Variants in SYN3 observed in about 807,000 individuals in gnomAD.
SYN3 encodes synapsin III.
SYN3 carries 35 observed loss-of-function variants against 65.8 expected under a neutral mutation model. The ratio of observed to expected loss-of-function variants is 0.53; its 90% CI spans 0.41 to 0.70. The LOEUF (loss-of-function observed/expected upper bound fraction) is 0.70, where lower values mean the gene tolerates loss of function less well. SYN3 is among the 30% of genes least tolerant of loss of function. The probability of loss-of-function intolerance (pLI) is 0.00; values close to 1 mark genes in which losing one functional copy is unlikely to be tolerated. For synonymous variants in SYN3, 270 were observed against 292.9 expected, an observed-to-expected ratio of 0.92 and a Z score of 0.80; for missense variants, 680 against 749.0, an observed-to-expected ratio of 0.91 and a Z score of 1.08.
chr22:32,584,856 G>A (rs1205088024), intron 7 of SYN3, among the ~76,000 whole-genome samples: 1 of 152,216 alleles, frequency 6.6e-6, no homozygotes, highest in African/African-American at 2.4e-5. Context: ...ATATGCAAAA[G>A]GTCAGTGCTG....
At position 32,511,332 on chromosome 22, in the gene SYN3, C is replaced by A. The variant is rs906360643; in HGVS notation, c.*2360G>T. Among the ~76,000 whole-genome samples the A allele has an allele frequency of 3.3e-5, 5 of 152,198 alleles. No homozygotes were observed. Among genetic ancestry groups the A allele is most frequent in the Non-Finnish European group, 5.9e-5 (4 of 68,044 alleles). ...ACTGTGGGATATTGACCCCAGGACC[C>A]CCACCTCCACCCACCTTGGGGGTCT... On this transcript the variant is annotated 3_prime_UTR_variant, in exon 14 of 14. Coordinates refer to ENST00000358763, the MANE Select transcript of SYN3 (RefSeq NM_003490.4).
chr22:32,641,523 T>C (rs1001449424), intron 6 of SYN3, among the ~76,000 whole-genome samples: 24 of 149,392 alleles, frequency 1.6e-4, no homozygotes, highest in African/African-American at 5.9e-4. Context: ...CAGGAGAATG[T>C]TGTGAACCCG....
At chr22:32,628,687 G>A (rs2059704293) in intron 6 of SYN3, among the ~76,000 whole-genome samples, 1 of 152,080 alleles carries the variant, frequency 6.6e-6, no homozygotes, top group Non-Finnish European at 1.5e-5. Context: ...GGCAGAGGTT[G>A]CAGTGAGCTG....
At chr22:32,667,766 T>A (rs1218262616) in intron 6 of SYN3, among the ~76,000 whole-genome samples, 5 of 151,776 alleles carry the variant, frequency 3.3e-5, no homozygotes, top group African/African-American at 1.2e-4. Flanking sequence ...GGGGAAGGCT[T>A]CCAAGAGGAG....
intron 3 of SYN3, among the ~76,000 whole-genome samples, chr22:32,961,414 C>T (rs188909182): frequency 1.3e-3 from 201 of 152,268 alleles, no homozygotes; most frequent in African/African-American, 4.6e-3. Flanking sequence ...AAGTAGGGCT[C>T]TAAGGAGCAT....
At chr22:32,934,731 G>A (rs1165451846) in intron 3 of SYN3, among the ~76,000 whole-genome samples, 1 of 152,220 alleles carries the variant, frequency 6.6e-6, no homozygotes, top group Non-Finnish European at 1.5e-5. Context: ...TCTGATACCT[G>A]TGAATGTGAC....
chr22:32,834,309 C>A (rs1183316329), intron 6 of SYN3, among the ~76,000 whole-genome samples: 1 of 140,458 alleles, frequency 7.1e-6, no homozygotes, highest in Non-Finnish European at 1.5e-5. Context: ...CCCTCCACCA[C>A]ATCTGGCTAA....
At chr22:32,535,292 A>G (rs1353854812) in intron 9 of SYN3, among the ~76,000 whole-genome samples, 1 of 152,182 alleles carries the variant, frequency 6.6e-6, no homozygotes, top group African/African-American at 2.4e-5. Context: ...ATTTTGGAAA[A>G]GCCTCTCCCT....
rs534013786 is a variant in SYN3, at chr22:32,516,323, G to A, written c.1610+1720C>T. Among the ~76,000 whole-genome samples the A allele has an allele frequency of 1.1e-4, 16 of 151,182 alleles. 1 individual carries two copies. The highest frequency in any genetic ancestry group is 2.1e-4 in the Non-Finnish European group (14 of 68,028). ...CGTTGGATGAGAATGGGGCGGGAAC[G>A]AGGCTTTTCAACATACATCTTTGAT... On this transcript the variant is annotated intron_variant, in intron 13 of 13. Transcript: ENST00000358763.
At chr22:32,656,382 T>C (rs1324892276) in intron 6 of SYN3, among the ~76,000 whole-genome samples, 2 of 152,162 alleles carry the variant, frequency 1.3e-5, no homozygotes, top group Non-Finnish European at 2.9e-5. Flanking sequence ...AGCGACATGA[T>C]GTATATCAAG....
At chr22:32,825,657 C>CAAAAAAAAAAA (rs130292) in intron 6 of SYN3, among the ~76,000 whole-genome samples, 1 of 28,594 alleles carries the variant, frequency 3.5e-5, no homozygotes, top group African/African-American at 1.3e-4. Flanking sequence ...GTTTCCATCT[C>CAAAAAAAAAAA]AAAAAAAAAA....
At chr22:32,751,522 T>C (rs546500874) in intron 6 of SYN3, among the ~76,000 whole-genome samples, 1 of 152,300 alleles carries the variant, frequency 6.6e-6, no homozygotes, top group African/African-American at 2.4e-5. Context: ...TGTCTCTGAC[T>C]CAGCCATTGT....
In SYN3 at chr22:32,943,109, C is replaced by T. The variant is rs374272969; in HGVS notation, c.370-11628G>A. Among the ~76,000 whole-genome samples the T allele has an allele frequency of 3.7e-3, 559 of 152,258 alleles. 2 individuals carry two copies. Among genetic ancestry groups the T allele is most frequent in the African/African-American group, 0.013 (536 of 41,552 alleles). On this transcript the variant is annotated intron_variant, in intron 3 of 13. Transcript: ENST00000358763. ...AAATACAGAGAACACCACAAAGATA[C>T]TCCTCGAGAAGAGCAACTCCAAGAC...
rs1304111341 is a variant in SYN3 at position 32,682,090 on chromosome 22, G to A, written c.712-85354C>T. 1.1e-4 allele frequency among the ~76,000 whole-genome samples: 16 copies of A among 152,256 alleles called. 1 individual carries two copies. Among genetic ancestry groups the A allele is most frequent in the African/African-American group, 3.9e-4 (16 of 41,540 alleles). On this transcript the variant is annotated intron_variant, in intron 6 of 13. Transcript: ENST00000358763. ...TGAGGGGCAGCAGGGGTTGCAGAGG[G>A]TGGAGAGGAGTGGTTCTCAACCAGG...
intron 4 of SYN3, among the ~76,000 whole-genome samples, chr22:32,912,759 G>C (rs1429140796): frequency 6.6e-6 from 1 of 152,034 alleles, no homozygotes; most frequent in African/African-American, 2.4e-5. Flanking sequence ...GCTACATACT[G>C]AATAATTCCA....
intron 6 of SYN3, among the ~76,000 whole-genome samples, chr22:32,846,054 A>G (rs2048053815): frequency 6.6e-6 from 1 of 152,154 alleles, no homozygotes; most frequent in African/African-American, 2.4e-5. Flanking sequence ...GGCAGAATGT[A>G]ACTTAATTTT....
In SYN3 at chr22:32,596,588, T is replaced by A. The variant is rs59137398; in HGVS notation, c.774+86A>T. 1,337 of 1,419,388 alleles carry A rather than the reference T, an allele frequency of 9.4e-4. 12 individuals carry two copies. The African/African-American group carries it at 0.017, about 18-fold the overall frequency. 87.9% of individuals were successfully genotyped at this position (1,419,388 alleles called of 1,614,324 possible). ...GTTCTGGGTGCCTGTGCTAAGGGGTTGATGGGTGACAGAGGGAGAGAGGAA... is the reference window on the plus strand; with the variant it reads ...GTTCTGGGTGCCTGTGCTAAGGGGTAGATGGGTGACAGAGGGAGAGAGGAA... On this transcript the variant is annotated intron_variant, in intron 7 of 13. Transcript: ENST00000358763.
At chr22:32,807,378 A>AAAT (rs1569239803) in intron 6 of SYN3, among the ~76,000 whole-genome samples, 1 of 108,242 alleles carries the variant, frequency 9.2e-6, no homozygotes, top group Non-Finnish European at 1.7e-5. Context: ...TATTATATAT[A>AAAT]ATATATATTA....
chr22:32,963,365 G>T (rs1326854549), intron 3 of SYN3, among the ~76,000 whole-genome samples: 1 of 151,474 alleles, frequency 6.6e-6, no homozygotes, highest in Non-Finnish European at 1.5e-5. Flanking sequence ...GGGATTATAG[G>T]CATGAGCCAC....
Sources: gnomAD v4.1 joint callset for allele counts (sites outside exome capture counted in the v4.1 genomes callset) on GRCh38, gnomAD v4.1.1 for gene constraint, MANE v1.5 for transcripts, NCBI Gene and HGNC (gene_info 2026-07-23, HGNC 2026-07-21) for gene names.